Variants in RGS6 observed in about 807,000 individuals in gnomAD.
RGS6 encodes the protein regulator of G-protein signaling 6.
In RGS6, 30 loss-of-function variants were observed where a neutral mutation model predicts 78.5. The observed-to-expected ratio is 0.38, with a 90% CI of 0.29 to 0.52. The LOEUF (loss-of-function observed/expected upper bound fraction) is 0.52, where lower values mean the gene tolerates loss of function less well. Among genes scored for constraint, RGS6 ranks in the 20% least tolerant of loss-of-function variants. RGS6 has a pLI of 0.85. For synonymous variants in RGS6, 206 were observed against 206.0 expected (o/e 1.00, Z 0.00); for missense variants, 495 against 609.7 (o/e 0.81, Z 1.98).
chr14:72,349,079 G>A (rs2681747), intron 2 of RGS6, among the ~76,000 whole-genome samples: 80,658 of 152,110 alleles, frequency 0.53, 23,795 homozygotes, highest in African/African-American at 0.8. Flanking sequence ...AGGCAGGAGA[G>A]TGGCATGAAC....
the RGS6 span, among the ~76,000 whole-genome samples, chr14:72,626,062 A>G: frequency 6.6e-6 from 1 of 151,238 alleles, no homozygotes; most frequent in Non-Finnish European, 1.5e-5. Flanking sequence ...TTTCTTCCTC[A>G]CTCTTCGGTA....
intron 3 of RGS6, among the ~76,000 whole-genome samples, chr14:72,402,790 G>GTTTTTTTTTTTTTTTTTTTTT (rs1167831473): frequency 2.6e-5 from 2 of 75,800 alleles, no homozygotes; most frequent in Non-Finnish European, 2.3e-5. Context: ...TGTTTTTTTG[G>GTTTTTTTTTTTTTTTTTTTTT]TTTTTTTTTT....
At chr14:72,253,462 G>A (rs1030278820) in intron 2 of RGS6, among the ~76,000 whole-genome samples, 4 of 152,238 alleles carry the variant, frequency 2.6e-5, no homozygotes, top group African/African-American at 9.6e-5. Context: ...TTTTAGGCTT[G>A]TGGGCCATTT....
rs1308004400 is a variant in RGS6 at position 72,306,322 on chromosome 14, G to A, written c.85-45773G>A. 2.6e-5 allele frequency among the ~76,000 whole-genome samples: 4 copies of A among 152,342 alleles called. No homozygotes were observed. The East Asian group carries it at 5.8e-4, about 22-fold the overall frequency. ...GCCTTATGAAGATGTACAAGAATGT[G>A]TAATACAAGGCATGTTGTTTTCATG... On this transcript the variant is annotated intron_variant, in intron 2 of 17. Transcript: ENST00000553525.
intron 2 of RGS6, among the ~76,000 whole-genome samples, chr14:72,334,374 C>G (rs1442345200): frequency 2.0e-5 from 3 of 152,232 alleles, no homozygotes; most frequent in African/African-American, 7.2e-5. Context: ...CCTGGGGAAG[C>G]TGGCAGGGCA....
At chr14:72,103,109 A>G (rs555196610) in intron 2 of RGS6, among the ~76,000 whole-genome samples, 1 of 152,300 alleles carries the variant, frequency 6.6e-6, no homozygotes, top group East Asian at 1.9e-4. Flanking sequence ...TCTCTCATAT[A>G]ATGGTACCTG....
At chr14:71,889,164 A>G in the RGS6 span, among the ~76,000 whole-genome samples, 1 of 152,218 alleles carries the variant, frequency 6.6e-6, no homozygotes, top group South Asian at 2.1e-4. Flanking sequence ...AGAGGAGAAC[A>G]TGTCATGGAG....
intron 2 of RGS6, among the ~76,000 whole-genome samples, chr14:72,119,267 A>G (rs2095987468): frequency 6.6e-6 from 1 of 152,214 alleles, no homozygotes; most frequent in Non-Finnish European, 1.5e-5. Context: ...AGTTGAAGAT[A>G]GCTGTGGACG....
intron 1 of RGS6, among the ~76,000 whole-genome samples, chr14:71,936,041 T>TATATATATATATATATATATAC (rs1555390355): frequency 1.6e-5 from 2 of 127,704 alleles, no homozygotes; most frequent in South Asian, 2.5e-4. Context: ...TATATATATA[T>TATATATATATATATATATATAC]GTACATATAT....
intron 2 of RGS6, among the ~76,000 whole-genome samples, chr14:72,245,939 C>T (rs905804863): frequency 2.0e-5 from 3 of 152,162 alleles, no homozygotes; most frequent in Non-Finnish European, 2.9e-5. Flanking sequence ...TGTTATTTTC[C>T]TCCAGGCATA....
At chr14:72,593,882 T>C in the RGS6 span, among the ~76,000 whole-genome samples, 1 of 146,568 alleles carries the variant, frequency 6.8e-6, no homozygotes, top group Non-Finnish European at 1.5e-5. Context: ...GGTGATACTT[T>C]TCAACAGCAA....
intron 2 of RGS6, among the ~76,000 whole-genome samples, chr14:72,117,641 A>G (rs989997914): frequency 2.0e-5 from 3 of 152,208 alleles, no homozygotes; most frequent in African/African-American, 7.2e-5. Context: ...GGCATGGGGT[A>G]GGGAAGGACA....
At chr14:72,153,519 A>G (rs2096724332) in intron 2 of RGS6, among the ~76,000 whole-genome samples, 1 of 152,190 alleles carries the variant, frequency 6.6e-6, no homozygotes. Context: ...TATTGGGGGA[A>G]CCTGCCCCCA....
At chr14:72,079,998 G>A (rs2094749297) in intron 2 of RGS6, among the ~76,000 whole-genome samples, 1 of 151,986 alleles carries the variant, frequency 6.6e-6, no homozygotes, top group Non-Finnish European at 1.5e-5. Context: ...AATGAACACG[G>A]GAGTGCAGGC....
chr14:71,906,937 G>A, the RGS6 span, among the ~76,000 whole-genome samples: 40 of 152,188 alleles, frequency 2.6e-4, no homozygotes, highest in African/African-American at 5.8e-4. Context: ...GGACATTCAC[G>A]GGGCCTAGAC....
intron 2 of RGS6, among the ~76,000 whole-genome samples, chr14:71,999,661 C>A (rs889633797): frequency 9.9e-6 from 1 of 100,516 alleles, no homozygotes; most frequent in Non-Finnish European, 2.4e-5. Flanking sequence ...GTGCTATCCC[C>A]GCAATAGAGT....
At chr14:72,578,481 T>G in the RGS6 span, among the ~76,000 whole-genome samples, 1 of 152,220 alleles carries the variant, frequency 6.6e-6, no homozygotes, top group Non-Finnish European at 1.5e-5. Flanking sequence ...CTGTCCCCAG[T>G]CAAAAGCTTC....
the RGS6 span, among the ~76,000 whole-genome samples, chr14:72,626,230 A>G: frequency 2.0e-5 from 3 of 152,198 alleles, no homozygotes; most frequent in African/African-American, 7.2e-5. Flanking sequence ...ACAAGAAAGT[A>G]TTCTCAAAGA....
rs535550859 is a variant in RGS6 at position 72,132,716 on chromosome 14, T to G, written c.84+167841T>G. Reference sequence around the variant, plus strand: ...TGAAGTTACTTGACTCTGGTTATGGTTGTTTTCTAAGCTCTGTTAACACAC... The same window carrying G: ...TGAAGTTACTTGACTCTGGTTATGGGTGTTTTCTAAGCTCTGTTAACACAC... On this transcript the variant is annotated intron_variant, in intron 2 of 17. Transcript: ENST00000553525. Among the ~76,000 whole-genome samples the G allele has an allele frequency of 2.0e-5, 3 of 152,268 alleles. No homozygotes were observed. In the South Asian group the frequency reaches 6.2e-4, roughly 32 times the overall value.
Sources: gnomAD v4.1 joint callset for allele counts (sites outside exome capture counted in the v4.1 genomes callset) on GRCh38, gnomAD v4.1.1 for gene constraint, MANE v1.5 for transcripts, NCBI Gene and HGNC (gene_info 2026-07-23, HGNC 2026-07-21) for gene names.